The following NELL1 variants were observed in gnomAD, a reference collection of about 807,000 sequenced individuals.
The protein encoded by NELL1 is protein kinase C-binding protein NELL1.
Under a neutral mutation model 107.4 loss-of-function variants are expected in NELL1, and 76 were observed. The observed-to-expected ratio is 0.71, with a 90% CI of 0.59 to 0.86. NELL1 has a LOEUF of 0.86. Among genes scored for constraint, NELL1 ranks in the 40% least tolerant of loss-of-function variants. The pLI is 0.00. For synonymous variants in NELL1, 353 were observed against 341.2 expected (o/e 1.03, Z -0.38); for missense variants, 1,024 against 1,005.5 (o/e 1.02, Z -0.25).
rs1027412536 is a variant in NELL1 at position 21,566,273 on chromosome 11, T to G, written c.1981-4491T>G. On this transcript the variant is annotated intron_variant, in intron 17 of 19. Transcript: ENST00000357134. ...ACGTCCACCTTCTTGATTTAAAAGT[T>G]TCAAAACTCTATGGCAGAAAAAAAA... Among the ~76,000 whole-genome samples the G allele has an allele frequency of 1.3e-4, 19 of 151,938 alleles. No individual in the cohort carries two copies. The East Asian group carries it at 3.7e-3, about 30-fold the overall frequency.
chr11:21,077,125 G>A (rs1854155281), intron 12 of NELL1, among the ~76,000 whole-genome samples: 1 of 152,004 alleles, frequency 6.6e-6, no homozygotes, highest in Non-Finnish European at 1.5e-5. Context: ...GTGATAAAAA[G>A]GGTCATTCAC....
chr11:20,969,027 A>C (rs1459237730), intron 12 of NELL1, among the ~76,000 whole-genome samples: 3 of 152,156 alleles, frequency 2.0e-5, no homozygotes, highest in Non-Finnish European at 4.4e-5. Context: ...ATTTAATGAA[A>C]AAAATCTCCT....
At chr11:21,337,781 TTTCTTTCTTTCTTTCC>T (rs1850452263) in intron 14 of NELL1, among the ~76,000 whole-genome samples, 1 of 140,080 alleles carries the variant, frequency 7.1e-6, no homozygotes, top group Non-Finnish European at 1.5e-5. Context: ...TCTTTCTTTC[TTTCTTTCTTTCTTTCC>T]TTCTTTCTTT....
rs766451728 is a variant in NELL1 at position 20,882,953 on chromosome 11, T to A, written c.507-2491T>A. Among the ~76,000 whole-genome samples, 6 of 152,330 alleles carry A rather than the reference T, an allele frequency of 3.9e-5. No homozygotes were observed. The Middle Eastern group carries it at 0.01, about 259-fold the overall frequency. On this transcript the variant is annotated intron_variant, in intron 4 of 19. Coordinates refer to ENST00000357134, the MANE Select transcript of NELL1 (RefSeq NM_006157.5). ...TTTGTGGACTGTCTTTCAATTGAGGTTTATCTGATGTTTCTTCATGATTAG... is the reference window on the plus strand; with the variant it reads ...TTTGTGGACTGTCTTTCAATTGAGGATTATCTGATGTTTCTTCATGATTAG...
chr11:21,245,206 A>C (rs1283076755), intron 14 of NELL1, among the ~76,000 whole-genome samples: 1 of 152,074 alleles, frequency 6.6e-6, no homozygotes, highest in Non-Finnish European at 1.5e-5. Context: ...AACTACTCAT[A>C]GTTTTCCAAG....
At chr11:21,489,968 GA>G (rs1590972951) in intron 15 of NELL1, among the ~76,000 whole-genome samples, 3 of 151,232 alleles carry the variant, frequency 2.0e-5, no homozygotes, top group East Asian at 3.9e-4. Context: ...ACAAGAAAAA[GA>G]AAAAAAATAT....
intron 15 of NELL1, among the ~76,000 whole-genome samples, chr11:21,401,587 A>C (rs998511557): frequency 9.2e-5 from 14 of 151,360 alleles, no homozygotes; most frequent in Middle Eastern, 3.2e-3. Flanking sequence ...ATCATCTCAG[A>C]TCTGCTCCAA....
At chr11:21,125,734 G>T (rs1565072833) in intron 13 of NELL1, among the ~76,000 whole-genome samples, 1 of 152,176 alleles carries the variant, frequency 6.6e-6, no homozygotes. Context: ...TTTGATGTTA[G>T]GTGGGAGTGC....
chr11:20,958,933 G>A (rs1281109906), intron 11 of NELL1, among the ~76,000 whole-genome samples: 1 of 152,136 alleles, frequency 6.6e-6, no homozygotes, highest in East Asian at 1.9e-4. Flanking sequence ...GCCATTAAGC[G>A]AATATTGCAA....
Position 20,889,582 on chromosome 11 carries a change from T to C in NELL1, c.603+4042T>C, listed in dbSNP as rs532258874. ...GATTATTATTCTGAATGATTGCCAT[T>C]ATCCTTGTTTGATTAAAATATAATA... On this transcript the variant is annotated intron_variant, in intron 5 of 19. Transcript: ENST00000357134. 4.7e-4 allele frequency among the ~76,000 whole-genome samples: 72 copies of C among 152,344 alleles called. 1 individual carries two copies. Among genetic ancestry groups the C allele is most frequent in the Admixed American group, 7.8e-4 (12 of 15,302 alleles).
At chr11:20,729,522 G>A (rs191083986) in intron 2 of NELL1, among the ~76,000 whole-genome samples, 1 of 152,280 alleles carries the variant, frequency 6.6e-6, no homozygotes, top group East Asian at 1.9e-4. Flanking sequence ...ATAAAGGGAT[G>A]TTGGATTTTA....
intron 15 of NELL1, among the ~76,000 whole-genome samples, chr11:21,518,546 C>T (rs946855393): frequency 3.9e-5 from 6 of 152,086 alleles, no homozygotes; most frequent in African/African-American, 7.2e-5. Flanking sequence ...AATTGTATTC[C>T]TCCTTTTAAG....
At chr11:21,562,038 A>G (rs547128728) in intron 17 of NELL1, among the ~76,000 whole-genome samples, 83 of 152,148 alleles carry the variant, frequency 5.5e-4, no homozygotes, top group African/African-American at 1.9e-3. Flanking sequence ...ATCATTACAT[A>G]TCCTCACATC....
chr11:20,751,174 CT>C lies in NELL1; in HGVS notation c.185-32494del, dbSNP rs796081258. Among the ~76,000 whole-genome samples, 1,437 of 145,798 alleles carry C rather than the reference CT, an allele frequency of 9.9e-3. 20 individuals carry two copies. Among genetic ancestry groups the C allele is most frequent in the African/African-American group, 0.032 (1,263 of 40,044 alleles). ...AAATCAGGCAGTAGAAGAATTCCAA[CT>C]TTTTTTTTTTTATGACTGCTTTTCT... On this transcript the variant is annotated intron_variant, in intron 2 of 19. Transcript: ENST00000357134.
chr11:21,004,424 C>A (rs974986527), intron 12 of NELL1, among the ~76,000 whole-genome samples: 2 of 151,796 alleles, frequency 1.3e-5, no homozygotes, highest in Non-Finnish European at 2.9e-5. Flanking sequence ...ATATCATCCC[C>A]ATGAGGGAGT....
At chr11:21,281,294 G>A (rs189589734) in intron 14 of NELL1, among the ~76,000 whole-genome samples, 1 of 152,088 alleles carries the variant, frequency 6.6e-6, no homozygotes, top group African/African-American at 2.4e-5. Flanking sequence ...TATGGTAATA[G>A]TGGCTGTGAG....
chr11:21,541,255 T>G (rs76389842), intron 16 of NELL1, among the ~76,000 whole-genome samples: 1,860 of 152,242 alleles, frequency 0.012, 41 homozygotes, highest in East Asian at 0.078. Flanking sequence ...TGTTATCTGC[T>G]TTATAGCACT....
intron 12 of NELL1, among the ~76,000 whole-genome samples, chr11:21,064,638 A>T (rs1217723417): frequency 3.3e-5 from 5 of 151,890 alleles, no homozygotes; most frequent in African/African-American, 4.8e-5. Flanking sequence ...TATAAAAGTC[A>T]CTCTGGAGGT....
intron 13 of NELL1, among the ~76,000 whole-genome samples, chr11:21,114,845 G>A (rs776531599): frequency 6.6e-6 from 1 of 151,846 alleles, no homozygotes. Flanking sequence ...AAACTTTTTC[G>A]GACCAATAAA....
Sources: gnomAD v4.1 joint callset for allele counts (sites outside exome capture counted in the v4.1 genomes callset) on GRCh38, gnomAD v4.1.1 for gene constraint, MANE v1.5 for transcripts, NCBI Gene and HGNC (gene_info 2026-07-23, HGNC 2026-07-21) for gene names.